MSI2: variants seen among roughly 807,000 people sequenced by gnomAD.
MSI2 encodes RNA-binding protein Musashi homolog 2.
MSI2 carries 17 observed loss-of-function variants against 45.6 expected under a neutral mutation model. That is an observed-to-expected ratio of 0.37 (90% confidence interval 0.26 to 0.56). MSI2 has a LOEUF of 0.56. Among genes scored for constraint, MSI2 ranks in the 20% least tolerant of loss-of-function variants. The pLI is 0.77. For synonymous variants in MSI2, 156 were observed against 158.2 expected, an observed-to-expected ratio of 0.99 and a Z score of 0.11; for missense variants, 293 against 444.2, an observed-to-expected ratio of 0.66 and a Z score of 3.06.
intron 6 of MSI2, among the ~76,000 whole-genome samples, chr17:57,491,723 A>G (rs1415135982): frequency 1.3e-5 from 2 of 152,142 alleles, no homozygotes; most frequent in Non-Finnish European, 2.9e-5. Flanking sequence ...CTGCAGGAGG[A>G]TGGCCAACGC....
At chr17:57,278,388 G>C (rs972817629) in intron 5 of MSI2, 4 of 152,414 alleles carry the variant, frequency 2.6e-5, no homozygotes, top group Non-Finnish European at 5.9e-5. Context: ...GTTTCCCCTT[G>C]CTTGACATCT....
At chr17:57,451,466 G>A (rs756251015) in intron 6 of MSI2, among the ~76,000 whole-genome samples, 2 of 152,208 alleles carry the variant, frequency 1.3e-5, no homozygotes, top group Non-Finnish European at 2.9e-5. Flanking sequence ...TCAGCCCATC[G>A]TGGGCTCCCA....
At chr17:57,381,177 C>T (rs2083591523) in intron 5 of MSI2, among the ~76,000 whole-genome samples, 1 of 152,140 alleles carries the variant, frequency 6.6e-6, no homozygotes, top group Non-Finnish European at 1.5e-5. Flanking sequence ...AAATGATCCT[C>T]CCACCTCAGC....
rs773097741 is a variant in MSI2, at chr17:57,684,657, AAAAAT to A, written c.*5154_*5158del. 97 of 158,162 alleles carry A rather than the reference AAAAAT, an allele frequency of 6.1e-4. 1 individual carries two copies. The highest frequency in any genetic ancestry group is 1.1e-3 in the African/African-American group (46 of 41,704). 9.8% of individuals were successfully genotyped at this position (158,162 alleles called of 1,614,324 possible). On this transcript the variant is annotated 3_prime_UTR_variant, in exon 14 of 14. Coordinates refer to ENST00000284073, the MANE Select transcript of MSI2 (RefSeq NM_138962.4). ...ATCAATGTGTTTGTCTGACAAAAAA[AAAAAT>A]AAAATAAAATAAACTGTTTTGAACA...
chr17:57,419,965 G>T (rs550823712), intron 6 of MSI2, among the ~76,000 whole-genome samples: 57 of 152,314 alleles, frequency 3.7e-4, no homozygotes, highest in Non-Finnish European at 8.8e-5. Context: ...AATGAATCAA[G>T]TATGGGGTAT....
At chr17:57,267,923 G>T (rs1907970037) in intron 5 of MSI2, 1 of 152,046 alleles carries the variant, frequency 6.6e-6, no homozygotes, top group Non-Finnish European at 1.5e-5. Flanking sequence ...CTGTCCTTTT[G>T]CAGATTTCCC....
At chr17:57,531,186 C>T (rs928134897) in intron 7 of MSI2, among the ~76,000 whole-genome samples, 2 of 152,170 alleles carry the variant, frequency 1.3e-5, no homozygotes, top group African/African-American at 4.8e-5. Flanking sequence ...CTTCCAGATG[C>T]ATCTCCTAAT....
chr17:57,419,190 T>C (rs909321704), intron 6 of MSI2, among the ~76,000 whole-genome samples: 9 of 151,894 alleles, frequency 5.9e-5, no homozygotes, highest in Non-Finnish European at 1.0e-4. Context: ...GTTTTCTTTT[T>C]TTTTTTTTTT....
intron 9 of MSI2, chr17:57,618,158 G>A (rs1907916513): frequency 6.6e-6 from 1 of 151,806 alleles, no homozygotes; most frequent in African/African-American, 2.4e-5. Context: ...GGAGGCTGGT[G>A]CGGGAGGAAA....
At chr17:57,514,666 T>G (rs7208496) in intron 6 of MSI2, among the ~76,000 whole-genome samples, 67,270 of 149,596 alleles carry the variant, frequency 0.45, 15,545 homozygotes, top group Middle Eastern at 0.51. Flanking sequence ...TTTTTTTTTT[T>G]TTTTTTAAGG....
the MSI2 span, among the ~76,000 whole-genome samples, chr17:57,693,252 G>C: frequency 6.6e-6 from 1 of 151,480 alleles, no homozygotes; most frequent in South Asian, 2.1e-4. Context: ...GCGCGATCTT[G>C]GCTCACTGCA....
intron 6 of MSI2, among the ~76,000 whole-genome samples, chr17:57,405,252 G>T (rs116845765): frequency 0.026 from 3,959 of 152,314 alleles, 76 homozygotes; most frequent in Middle Eastern, 0.041. Flanking sequence ...TGCAATCCAT[G>T]TAGTCCTTGT....
chr17:57,282,933 G>A (rs546411625), intron 5 of MSI2, among the ~76,000 whole-genome samples: 5 of 151,430 alleles, frequency 3.3e-5, no homozygotes, highest in African/African-American at 1.2e-4. Context: ...GCGGCATCTG[G>A]GCCCCTTGCT....
intron 6 of MSI2, among the ~76,000 whole-genome samples, chr17:57,496,463 C>G (rs1179524617): frequency 6.6e-6 from 1 of 152,186 alleles, no homozygotes; most frequent in Non-Finnish European, 1.5e-5. Context: ...GGCATTTTCT[C>G]AGCCCGGTGA....
intron 5 of MSI2, among the ~76,000 whole-genome samples, chr17:57,324,784 G>A (rs1177620425): frequency 6.6e-6 from 1 of 152,120 alleles, no homozygotes; most frequent in Non-Finnish European, 1.5e-5. Flanking sequence ...CATGTGACAA[G>A]TGCTGTCCCC....
In MSI2 at chr17:57,592,158, C is replaced by T. The variant is rs1441902613; in HGVS notation, c.455-4710C>T. On this transcript the variant is annotated intron_variant, in intron 7 of 13. Transcript: ENST00000284073. ...CTGCACTCCAACCTGGGTGACAGAG[C>T]GAGACTCTGTCTCCAAAAAAAAAAA... is the stretch of plus-strand genomic sequence containing the variant. Among the ~76,000 whole-genome samples, 7 of 146,838 alleles carry T rather than the reference C, an allele frequency of 4.8e-5. No individual in the cohort carries two copies. The South Asian group carries it at 6.5e-4, about 14-fold the overall frequency.
chr17:57,524,652 A>T (rs1430674380), intron 6 of MSI2, among the ~76,000 whole-genome samples: 1 of 152,248 alleles, frequency 6.6e-6, no homozygotes, highest in Non-Finnish European at 1.5e-5. Context: ...GTTGGTTGCC[A>T]CTAAGAAATC....
At chr17:57,257,438 C>T (rs771928544) in intron 2 of MSI2, 28 bp from the exon 3 acceptor site, 2 of 1,207,084 alleles carry the variant, frequency 1.7e-6, no homozygotes, top group African/African-American at 3.1e-5. Context: ...TCTCTCCCCC[C>T]CCCATCTCTC....
chr17:57,586,955 C>T lies in MSI2; in HGVS notation c.455-9913C>T, dbSNP rs146078172. Among the ~76,000 whole-genome samples, 89 of 152,222 alleles carry T rather than the reference C, an allele frequency of 5.8e-4. 1 individual carries two copies. In the East Asian group the frequency reaches 0.017, roughly 29 times the overall value. On this transcript the variant is annotated intron_variant, in intron 7 of 13. Transcript: ENST00000284073. ...CTTTTACCATATGGTCTCCACTTAG[C>T]TTGTCTTGAATTGGGAAGCATAGGG... is the stretch of plus-strand genomic sequence containing the variant.
Sources: gnomAD v4.1 joint callset for allele counts (sites outside exome capture counted in the v4.1 genomes callset) on GRCh38, gnomAD v4.1.1 for gene constraint, MANE v1.5 for transcripts, NCBI Gene and HGNC (gene_info 2026-07-23, HGNC 2026-07-21) for gene names.